KIAA0319: variants seen among roughly 807,000 people sequenced by gnomAD.
KIAA0319 encodes KIAA0319.
KIAA0319 carries 83 observed loss-of-function variants against 108.4 expected under a neutral mutation model. The ratio of observed to expected loss-of-function variants is 0.77; its 90% CI spans 0.64 to 0.92. KIAA0319 has a LOEUF of 0.92. Among genes scored for constraint, KIAA0319 ranks in the 40% least tolerant of loss-of-function variants. The pLI, the probability that KIAA0319 is intolerant of heterozygous loss-of-function variation, is 0.00. For missense variants in KIAA0319, 1,195 were observed against 1,322.4 expected (o/e 0.90, Z 1.49); for synonymous variants, 484 against 510.4 (o/e 0.95, Z 0.70).
intron 1 of KIAA0319, among the ~76,000 whole-genome samples, chr6:24,624,651 A>G (rs1774456974): frequency 6.6e-6 from 1 of 152,198 alleles, no homozygotes; most frequent in Non-Finnish European, 1.5e-5. Context: ...GCACAGCTTC[A>G]TATAGCCCCT....
At chr6:24,541,264 G>A (rs1158420519), downstream of KIAA0319, among the ~76,000 whole-genome samples, 2 of 152,098 alleles carry the variant, frequency 1.3e-5, no homozygotes, top group African/African-American at 2.4e-5. Context: ...GTAGATGGCC[G>A]CCTTCTTGCC....
At chr6:24,541,429 T>G (rs77576769), downstream of KIAA0319, among the ~76,000 whole-genome samples, 102 of 152,372 alleles carry the variant, frequency 6.7e-4, 1 homozygote, top group East Asian at 0.018. Flanking sequence ...TCACATCTCT[T>G]TAAAGGCTCT....
At chr6:24,636,943 C>A (rs1776286403) in intron 1 of KIAA0319, among the ~76,000 whole-genome samples, 1 of 152,120 alleles carries the variant, frequency 6.6e-6, no homozygotes, top group East Asian at 1.9e-4. Context: ...TAAAGTTGAG[C>A]AAACTATCTA....
intron 11 of KIAA0319, among the ~76,000 whole-genome samples, chr6:24,571,023 T>C (rs924837288): frequency 4.6e-5 from 7 of 150,578 alleles, no homozygotes; most frequent in African/African-American, 1.7e-4. Flanking sequence ...AACTCTGTGT[T>C]TCTATTAAAA....
intron 18 of KIAA0319, among the ~76,000 whole-genome samples, chr6:24,556,339 C>T (rs566439578): frequency 2.6e-5 from 4 of 152,084 alleles, no homozygotes; most frequent in South Asian, 2.1e-4. Flanking sequence ...CGCAACCACA[C>T]TCAGTTAATT....
rs148466952 is a variant in KIAA0319, at chr6:24,642,680, A to G, written c.-106+3056T>C. Among the ~76,000 whole-genome samples the G allele has an allele frequency of 4.7e-3, 716 of 151,956 alleles. 3 individuals are homozygous for G. Among genetic ancestry groups the G allele is most frequent in the African/African-American group, 0.016 (657 of 41,438 alleles). ...TGAATTATCCTCTTATTCAAGCTAC[A>G]TTGCTTAAATTAAATAGATGCTTAC... On this transcript the variant is annotated intron_variant, in intron 1 of 20. Coordinates refer to ENST00000378214, the MANE Select transcript of KIAA0319 (RefSeq NM_014809.4).
intron 1 of KIAA0319, among the ~76,000 whole-genome samples, chr6:24,619,059 A>G (rs1773551032): frequency 6.6e-6 from 1 of 152,162 alleles, no homozygotes; most frequent in South Asian, 2.1e-4. Flanking sequence ...GAGGCGGGGA[A>G]TGTGCCTGTG....
At chr6:24,580,166 C>T (rs1766261758) in intron 7 of KIAA0319, among the ~76,000 whole-genome samples, 1 of 151,994 alleles carries the variant, frequency 6.6e-6, no homozygotes, top group South Asian at 2.1e-4. Context: ...GCATGTAAGC[C>T]CAGGCTCAGT....
chr6:24,595,338 A>G (rs1254626834), intron 3 of KIAA0319, among the ~76,000 whole-genome samples: 2 of 151,908 alleles, frequency 1.3e-5, no homozygotes, highest in Non-Finnish European at 2.9e-5. Flanking sequence ...TGAGGTCAGG[A>G]GATCTAGACC....
At position 24,610,357 on chromosome 6, in the gene KIAA0319, G is replaced by A. The variant is rs79885746; in HGVS notation, c.-105-9149C>T. ...ATGCTCAATATCATTAGCAATCAGGGAAATGCAAGTCAGAGAGACAATGAG... is the reference window on the plus strand; with the variant it reads ...ATGCTCAATATCATTAGCAATCAGGAAAATGCAAGTCAGAGAGACAATGAG... On this transcript the variant is annotated intron_variant, in intron 1 of 20. Coordinates refer to ENST00000378214, the MANE Select transcript of KIAA0319 (RefSeq NM_014809.4). Among the ~76,000 whole-genome samples, 76 of 152,220 alleles carry A rather than the reference G, an allele frequency of 5.0e-4. No homozygotes were observed. The East Asian group carries it at 0.014, about 28-fold the overall frequency.
chr6:24,544,581 T>A lies in KIAA0319; in HGVS notation c.*2584A>T, dbSNP rs1158154886. On this transcript the variant is annotated 3_prime_UTR_variant, in exon 21 of 21. Transcript: ENST00000378214. ...ACCTTGCTGCATGTTTTTCAGATAGTTCCTTAGTCATACACATGCTTAGCC... is the reference window on the plus strand; with the variant it reads ...ACCTTGCTGCATGTTTTTCAGATAGATCCTTAGTCATACACATGCTTAGCC... The A allele has an allele frequency of 6.6e-6, 1 of 152,184 alleles. No homozygotes were observed. Among genetic ancestry groups the A allele is most frequent in the Non-Finnish European group, 1.5e-5 (1 of 68,034 alleles). The allele number at this position is 152,184 out of a possible 1,614,324, so 9.4% of individuals were successfully genotyped here.
At chr6:24,617,064 A>G (rs996095817) in intron 1 of KIAA0319, among the ~76,000 whole-genome samples, 3 of 152,164 alleles carry the variant, frequency 2.0e-5, no homozygotes, top group African/African-American at 7.2e-5. Context: ...AAACCTTACT[A>G]CCAATATTTC....
rs565999594 is a variant in KIAA0319 at position 24,641,837 on chromosome 6, G to T, written c.-106+3899C>A. Among the ~76,000 whole-genome samples, 3 of 152,034 alleles carry T rather than the reference G, an allele frequency of 2.0e-5. No individual in the cohort carries two copies. In the East Asian group the frequency reaches 5.8e-4, roughly 29 times the overall value. On this transcript the variant is annotated intron_variant, in intron 1 of 20. Transcript: ENST00000378214. ...ACTTGCGCCCAGGAGTTCAAAACCA[G>T]TCGGGGCAACATGGCAAGATCTTGT... is the stretch of plus-strand genomic sequence containing the variant.
chr6:24,563,048 T>G (rs1466565622), intron 16 of KIAA0319, among the ~76,000 whole-genome samples: 1 of 152,126 alleles, frequency 6.6e-6, no homozygotes, highest in Non-Finnish European at 1.5e-5. Flanking sequence ...AGACATCCTC[T>G]TCACATGCTC....
At position 24,556,630 on chromosome 6, in the gene KIAA0319, A is replaced by G; in HGVS notation, c.2834T>C (p.Ile945Thr). ...ACCACAGTTGCTCTCTCCATCCCAG[A>G]TATAACGCTGTATAAGGTTCTCCAT... Reference protein sequence around the residue: ...LWMENLIQRYIWDGESNCEWS... With the variant: ...LWMENLIQRYTWDGESNCEWS... The change falls in exon 18 of 21, where the codon ATC becomes ACC. Residue 945 changes from isoleucine (I) to threonine (T), a missense_variant. Transcript: ENST00000378214. 2 of 1,614,040 alleles carry G rather than the reference A, an allele frequency of 1.2e-6. No homozygotes were observed. The highest frequency in any genetic ancestry group is 2.2e-5 in the East Asian group (1 of 44,862).
downstream of KIAA0319, among the ~76,000 whole-genome samples, chr6:24,543,212 C>T (rs1417012641): frequency 1.3e-5 from 2 of 152,150 alleles, no homozygotes; most frequent in Non-Finnish European, 2.9e-5. Context: ...GGGAAAGCTC[C>T]ATACAGTACT....
intron 4 of KIAA0319, among the ~76,000 whole-genome samples, chr6:24,586,906 G>A (rs1767587207): frequency 1.3e-5 from 2 of 151,854 alleles, no homozygotes; most frequent in South Asian, 4.2e-4. Context: ...GGCTCCTTCT[G>A]CACTTCCAGC....
At chr6:24,616,663 G>C (rs1324517332) in intron 1 of KIAA0319, among the ~76,000 whole-genome samples, 2 of 152,034 alleles carry the variant, frequency 1.3e-5, no homozygotes, top group Non-Finnish European at 2.9e-5. Context: ...GGTTATTTTT[G>C]ACAGCTTATT....
chr6:24,624,044 A>C (rs1467117177), intron 1 of KIAA0319, among the ~76,000 whole-genome samples: 1 of 18,646 alleles, frequency 5.4e-5, no homozygotes. Context: ...TTTTTTTTTT[A>C]GACAAGGTCT....
Sources: allele counts gnomAD v4.1 joint callset (sites outside exome capture counted in the v4.1 genomes callset), GRCh38; gene constraint gnomAD v4.1.1; transcripts MANE v1.5; gene names NCBI Gene and HGNC (gene_info 2026-07-23, HGNC 2026-07-21).